CSMD1: variants seen among roughly 807,000 people sequenced by gnomAD.
CSMD1 encodes CUB and sushi domain-containing protein 1.
CSMD1 carries 213 observed loss-of-function variants against 417.5 expected under a neutral mutation model. That is an observed-to-expected ratio of 0.51 (90% confidence interval 0.46 to 0.57). CSMD1 has a LOEUF of 0.57. Among genes scored for constraint, CSMD1 ranks in the 20% least tolerant of loss-of-function variants. The probability of loss-of-function intolerance (pLI) is 0.00; values close to 1 mark genes in which losing one functional copy is unlikely to be tolerated. For missense variants in CSMD1, 6,923 were observed against 4,529.7 expected (o/e 1.53, Z -15.17); for synonymous variants, 2,862 against 1,736.8 (o/e 1.65, Z -16.11).
chr8:3,454,327 T>C (rs1054907019), intron 12 of CSMD1, among the ~76,000 whole-genome samples: 1 of 152,202 alleles, frequency 6.6e-6, no homozygotes, highest in Non-Finnish European at 1.5e-5. Context: ...AGGTTAATAT[T>C]GTTATGTGTG....
intron 21 of CSMD1, among the ~76,000 whole-genome samples, chr8:3,349,135 G>C (rs1186665558): frequency 6.6e-6 from 1 of 152,188 alleles, no homozygotes; most frequent in Non-Finnish European, 1.5e-5. Flanking sequence ...TGTCAGGTTG[G>C]AAACCAAGCA....
intron 3 of CSMD1, among the ~76,000 whole-genome samples, chr8:4,320,521 C>T (rs893270325): frequency 6.6e-6 from 1 of 152,104 alleles, no homozygotes; most frequent in Non-Finnish European, 1.5e-5. Context: ...CCCCCACCCC[C>T]CAACAGGCCC....
chr8:3,121,521 G>A (rs1364919030), intron 41 of CSMD1, among the ~76,000 whole-genome samples: 1 of 152,170 alleles, frequency 6.6e-6, no homozygotes, highest in Non-Finnish European at 1.5e-5. Flanking sequence ...ACTTCACCTG[G>A]AGGGAAGCGC....
chr8:4,693,728 A>C (rs1806929636), intron 1 of CSMD1, among the ~76,000 whole-genome samples: 2 of 152,160 alleles, frequency 1.3e-5, no homozygotes, highest in African/African-American at 4.8e-5. Flanking sequence ...TACACTGACT[A>C]TTCATAGATG....
intron 5 of CSMD1, among the ~76,000 whole-genome samples, chr8:3,899,579 C>G (rs1273276045): frequency 1.3e-5 from 2 of 152,168 alleles, no homozygotes; most frequent in South Asian, 4.1e-4. Flanking sequence ...TGTAAAATTT[C>G]TGTTTCTCAA....
intron 1 of CSMD1, among the ~76,000 whole-genome samples, chr8:4,949,180 A>G (rs1262983882): frequency 1.3e-5 from 2 of 152,118 alleles, no homozygotes; most frequent in African/African-American, 2.4e-5. Flanking sequence ...TTATCATGTT[A>G]TAATATTGTC....
At chr8:3,938,984 T>C (rs970408992) in intron 5 of CSMD1, among the ~76,000 whole-genome samples, 6 of 152,186 alleles carry the variant, frequency 3.9e-5, no homozygotes, top group Middle Eastern at 3.4e-3. Flanking sequence ...TATGAGAGTG[T>C]GGAATGGGGT....
intron 1 of CSMD1, among the ~76,000 whole-genome samples, chr8:4,738,764 G>T (rs912966812): frequency 1.3e-5 from 2 of 152,068 alleles, no homozygotes; most frequent in Non-Finnish European, 2.9e-5. Context: ...TCTGAATACA[G>T]GATTAAGCTT....
rs202156874 is a variant in CSMD1 at position 3,619,431 on chromosome 8, CCATT to C, written c.1010-2638_1010-2635del. 9.0e-3 allele frequency among the ~76,000 whole-genome samples: 1,374 copies of C among 151,900 alleles called. 21 individuals are homozygous for C. The highest frequency in any genetic ancestry group is 0.032 in the African/African-American group (1,314 of 41,422). ...CATACAAAGAAAGAGGGAAACATGG[CCATT>C]CAAAGGGTCGAAATAAATCTCTAGA... On this transcript the variant is annotated intron_variant, in intron 7 of 69. Transcript: ENST00000635120.
intron 1 of CSMD1, among the ~76,000 whole-genome samples, chr8:4,765,196 G>T (rs988016128): frequency 6.6e-6 from 1 of 151,678 alleles, no homozygotes; most frequent in Admixed American, 6.6e-5. Context: ...GTGTTCTTCC[G>T]TCTCATAAAA....
intron 4 of CSMD1, among the ~76,000 whole-genome samples, chr8:4,011,666 A>C (rs1280154174): frequency 1.3e-5 from 2 of 152,248 alleles, no homozygotes; most frequent in African/African-American, 4.8e-5. Flanking sequence ...ACACTTCCTA[A>C]ATTTTTAAAC....
chr8:3,955,011 G>C (rs1361058523), intron 5 of CSMD1, among the ~76,000 whole-genome samples: 2 of 152,172 alleles, frequency 1.3e-5, no homozygotes, highest in African/African-American at 4.8e-5. Context: ...ATCAGGAAAT[G>C]GCCTCTCCTT....
At chr8:4,123,294 C>T (rs1419155209) in intron 3 of CSMD1, among the ~76,000 whole-genome samples, 1 of 152,192 alleles carries the variant, frequency 6.6e-6, no homozygotes, top group African/African-American at 2.4e-5. Flanking sequence ...GGTCAACAAA[C>T]ATTTTCCAGG....
At position 3,544,923 on chromosome 8, in the gene CSMD1, G is replaced by T. The variant is rs554762536; in HGVS notation, c.1344+30022C>A. Among the ~76,000 whole-genome samples the T allele has an allele frequency of 2.6e-5, 4 of 152,264 alleles. No individual in the cohort carries two copies. The South Asian group carries it at 8.3e-4, about 32-fold the overall frequency. ...TTAATACCAACTTAATGTTTAATCT[G>T]AAAGTATCTTAAATATCTTAGATCT... is the stretch of plus-strand genomic sequence containing the variant. On this transcript the variant is annotated intron_variant, in intron 10 of 69. Transcript: ENST00000635120.
intron 5 of CSMD1, among the ~76,000 whole-genome samples, chr8:3,972,957 T>C (rs1047046285): frequency 6.6e-6 from 1 of 152,162 alleles, no homozygotes; most frequent in Non-Finnish European, 1.5e-5. Context: ...GAAATAAAAA[T>C]TACTCACAAT....
intron 12 of CSMD1, among the ~76,000 whole-genome samples, chr8:3,424,886 C>A (rs2116993177): frequency 6.6e-6 from 1 of 152,310 alleles, no homozygotes; most frequent in East Asian, 1.9e-4. Context: ...GTTTTCCAGG[C>A]TGGGAGCCAT....
intron 1 of CSMD1, among the ~76,000 whole-genome samples, chr8:4,826,288 CGTATAT>C (rs904343979): frequency 6.6e-6 from 1 of 151,490 alleles, no homozygotes; most frequent in Non-Finnish European, 1.5e-5. Flanking sequence ...TACACACATA[CGTATAT>C]GTATGTGTGT....
chr8:4,119,086 T>C (rs1802326805), intron 3 of CSMD1, among the ~76,000 whole-genome samples: 1 of 151,974 alleles, frequency 6.6e-6, no homozygotes, highest in Non-Finnish European at 1.5e-5. Flanking sequence ...CACAGGGACC[T>C]GTCAGTGGGT....
At chr8:3,385,429 G>A (rs1212260729) in intron 18 of CSMD1, among the ~76,000 whole-genome samples, 1 of 151,486 alleles carries the variant, frequency 6.6e-6, no homozygotes, top group African/African-American at 2.4e-5. Context: ...TATCCTGAAT[G>A]CAGCCACCTA....
Sources: gnomAD v4.1 joint callset for allele counts (sites outside exome capture counted in the v4.1 genomes callset) on GRCh38, gnomAD v4.1.1 for gene constraint, MANE v1.5 for transcripts, NCBI Gene and HGNC (gene_info 2026-07-23, HGNC 2026-07-21) for gene names.